Variants in EFCAB13 observed in about 807,000 individuals in gnomAD.
The protein encoded by EFCAB13 is EF-hand calcium-binding domain-containing protein 13.
EFCAB13 carries 91 observed loss-of-function variants against 110.2 expected under a neutral mutation model. The observed-to-expected ratio is 0.83, with a 90% CI of 0.70 to 0.98. EFCAB13 has a LOEUF of 0.98. Among genes scored for constraint, EFCAB13 ranks in the 50% least tolerant of loss-of-function variants. The pLI, the probability that EFCAB13 is intolerant of heterozygous loss-of-function variation, is 0.00. For missense variants in EFCAB13, 968 were observed against 1,119.4 expected, an observed-to-expected ratio of 0.86 and a Z score of 1.93; for synonymous variants, 323 against 369.9, an observed-to-expected ratio of 0.87 and a Z score of 1.45.
intron 16 of EFCAB13, among the ~76,000 whole-genome samples, 192 bp from the exon 17 acceptor site, chr17:47,395,642 C>G (rs2065732805): frequency 6.6e-6 from 1 of 152,082 alleles, no homozygotes; most frequent in Non-Finnish European, 1.5e-5. Flanking sequence ...TCAAGATCCT[C>G]AAAAATACAT....
chr17:47,387,215 C>T (rs1333091628), intron 14 of EFCAB13, among the ~76,000 whole-genome samples: 1 of 152,164 alleles, frequency 6.6e-6, no homozygotes, highest in African/African-American at 2.4e-5. Context: ...GTTGAGACTT[C>T]TTTTGTGGCC....
chr17:47,339,699 C>CAA lies in EFCAB13; in HGVS notation c.192-2207_192-2206dup, dbSNP rs60578114. ...TGGGCAACAGAGTGAGACTCCATCT[C>CAA]AAAAAAAAAAAAAAAAGGTTTTTGA... On this transcript the variant is annotated intron_variant, in intron 5 of 24. Coordinates refer to ENST00000331493, the MANE Select transcript of EFCAB13 (RefSeq NM_152347.5). 4.6e-3 allele frequency among the ~76,000 whole-genome samples: 352 copies of CAA among 77,270 alleles called. 4 individuals are homozygous for CAA. The highest frequency in any genetic ancestry group is 0.016 in the African/African-American group (305 of 19,358). 50.7% of individuals were successfully genotyped at this position (77,270 alleles called of 152,430 possible). A position where few individuals can be genotyped will look rare whatever the true frequency, so the allele number is the denominator to read the frequency against.
chr17:47,335,419 A>G, intron 5 of EFCAB13, 63 bp downstream of exon 5: 1 of 1,393,538 alleles, frequency 7.2e-7, no homozygotes. Context: ...GAATGCCAAA[A>G]TGTAGCTGTG....
intron 14 of EFCAB13, among the ~76,000 whole-genome samples, chr17:47,382,052 T>C (rs113856869): frequency 0.013 from 1,963 of 152,302 alleles, 38 homozygotes; most frequent in East Asian, 0.066. Context: ...TTTGCAGTTC[T>C]CCTTGAAGAG....
Position 47,395,955 on chromosome 17 carries a change from A to G in EFCAB13, c.1923A>G (p.Ala641=), listed in dbSNP as rs1417991085. The G allele has an allele frequency of 1.2e-6, 2 of 1,608,322 alleles. No individual in the cohort carries two copies. Among genetic ancestry groups the G allele is most frequent in the Non-Finnish European group, 1.7e-6 (2 of 1,176,434 alleles). ...SNLKKDEFLA[A]LELVTVDEGD... ...TAAAAAAGGATGAATTTCTAGCTGC[A>G]TTGGAACTAGTGACAGTTGATGGTG... Residue 641 remains alanine (A), a synonymous_variant, in exon 17 of 25, where the codon GCA becomes GCG. Transcript: ENST00000331493.
rs2143204461 is a variant in EFCAB13, at chr17:47,326,399, A to T, written c.-86+12A>T. 1.3e-5 allele frequency: 2 copies of T among 152,238 alleles called. No individual in the cohort carries two copies. Among genetic ancestry groups the T allele is most frequent in the Middle Eastern group, 6.8e-3 (2 of 296 alleles). The allele number at this position is 152,238 out of a possible 1,614,324, so 9.4% of individuals were successfully genotyped here. On this transcript the variant is annotated intron_variant, in intron 3 of 24. Transcript: ENST00000331493. ...TTTAAGAAATCTTGGTGAGTAGCTTAGTAGGAAGGGAATTTGTTCATTCAT... is the reference window on the plus strand; with the variant it reads ...TTTAAGAAATCTTGGTGAGTAGCTTTGTAGGAAGGGAATTTGTTCATTCAT...
intron 4 of EFCAB13, among the ~76,000 whole-genome samples, chr17:47,333,977 A>G (rs192816252): frequency 3.3e-3 from 499 of 152,312 alleles, no homozygotes; most frequent in African/African-American, 0.012. Context: ...GAAAAATGAC[A>G]TCGGAATTTT....
At chr17:47,413,617 A>G (rs1394730567) in intron 22 of EFCAB13, among the ~76,000 whole-genome samples, 1 of 152,042 alleles carries the variant, frequency 6.6e-6, no homozygotes, top group East Asian at 1.9e-4. Context: ...ATTGTTATTC[A>G]CCTAGATCAA....
chr17:47,430,353 G>T, intron 24 of EFCAB13: 1 of 251,218 alleles, frequency 4.0e-6, no homozygotes, highest in Non-Finnish European at 6.3e-6. Context: ...TGGTGGCTCA[G>T]GGCAGCAGAT....
intron 17 of EFCAB13, among the ~76,000 whole-genome samples, chr17:47,398,842 A>G (rs565121623): frequency 6.6e-6 from 1 of 151,340 alleles, no homozygotes; most frequent in African/African-American, 2.4e-5. Context: ...ACCCAAGAAT[A>G]ATCAATAAAA....
rs1168284842 is a variant in EFCAB13 at position 47,395,956 on chromosome 17, T to C, written c.1924T>C (p.Leu642=). Residue 642 remains leucine (L), a synonymous_variant, in exon 17 of 25, where the codon TTG becomes CTG. Coordinates refer to ENST00000331493, the MANE Select transcript of EFCAB13 (RefSeq NM_152347.5). ...NLKKDEFLAA[L]ELVTVDEGDK... ...AAAAAAGGATGAATTTCTAGCTGCA[T>C]TGGAACTAGTGACAGTTGATGGTGA... 5.6e-6 allele frequency: 9 copies of C among 1,608,178 alleles called. No individual in the cohort carries two copies. The highest frequency in any genetic ancestry group is 1.1e-5 in the South Asian group (1 of 90,178).
At chr17:47,396,504 A>C (rs146959619) in intron 17 of EFCAB13, among the ~76,000 whole-genome samples, 1 of 152,326 alleles carries the variant, frequency 6.6e-6, no homozygotes, top group African/African-American at 2.4e-5. Context: ...GTAAGTCTCC[A>C]TCATTTACTG....
intron 23 of EFCAB13, among the ~76,000 whole-genome samples, chr17:47,422,254 G>A (rs1167406452): frequency 6.6e-6 from 1 of 152,116 alleles, no homozygotes; most frequent in African/African-American, 2.4e-5. Context: ...TTCATGTTAA[G>A]GGGTACTTAC....
intron 5 of EFCAB13, 90 bp downstream of exon 5, chr17:47,335,446 A>G: frequency 1.8e-6 from 2 of 1,083,022 alleles, no homozygotes; most frequent in Non-Finnish European, 2.6e-6. Context: ...GCGTTCTCAT[A>G]ATGTACCATG....
intron 6 of EFCAB13, among the ~76,000 whole-genome samples, chr17:47,343,594 A>G (rs2065397905): frequency 2.6e-5 from 4 of 152,118 alleles, no homozygotes; most frequent in Admixed American, 2.0e-4. Flanking sequence ...TTAAAACTCA[A>G]TGCTCAGGGT....
chr17:47,366,317 T>G (rs946074356), intron 10 of EFCAB13, among the ~76,000 whole-genome samples: 3 of 151,606 alleles, frequency 2.0e-5, no homozygotes, highest in Non-Finnish European at 4.4e-5. Flanking sequence ...TATAGCAGTT[T>G]TTTTTTTTTT....
chr17:47,381,961 CATG>C (rs2065649353), intron 14 of EFCAB13, among the ~76,000 whole-genome samples: 1 of 152,184 alleles, frequency 6.6e-6, no homozygotes, highest in South Asian at 2.1e-4. Context: ...TGGCCATTTT[CATG>C]ATATTGATCA....
chr17:47,335,172 G>C (rs1251357144), intron 4 of EFCAB13, 24 bp from the exon 5 acceptor site: 10 of 1,568,510 alleles, frequency 6.4e-6, no homozygotes, highest in Non-Finnish European at 8.6e-6. Context: ...GGACATGCTT[G>C]ATTGTGGCTC....
At chr17:47,421,120 G>A (rs995749940) in intron 23 of EFCAB13, among the ~76,000 whole-genome samples, 3 of 151,898 alleles carry the variant, frequency 2.0e-5, no homozygotes, top group African/African-American at 7.3e-5. Context: ...CCCTCTGCCC[G>A]GCCACCACCC....
Sources: gnomAD v4.1 joint callset for allele counts (sites outside exome capture counted in the v4.1 genomes callset) on GRCh38, gnomAD v4.1.1 for gene constraint, MANE v1.5 for transcripts, NCBI Gene and HGNC (gene_info 2026-07-23, HGNC 2026-07-21) for gene names.